The following SGCD variants were observed in gnomAD, a reference collection of about 807,000 sequenced individuals.
SGCD encodes the protein delta-sarcoglycan.
SGCD carries 18 observed loss-of-function variants against 36.6 expected under a neutral mutation model. That is an observed-to-expected ratio of 0.49 (90% CI 0.34 to 0.73). The LOEUF (loss-of-function observed/expected upper bound fraction) is 0.73. Among genes scored for constraint, SGCD ranks in the 30% least tolerant of loss-of-function variants. The pLI is 0.01. For synonymous variants in SGCD, 133 were observed against 130.6 expected, an observed-to-expected ratio of 1.02 and a Z score of -0.12; for missense variants, 387 against 346.7, an observed-to-expected ratio of 1.12 and a Z score of -0.92.
intron 4 of SGCD, among the ~76,000 whole-genome samples, chr5:156,516,709 A>G (rs1334411759): frequency 6.6e-6 from 1 of 152,196 alleles, no homozygotes; most frequent in East Asian, 1.9e-4. Flanking sequence ...AAGGTGGGTA[A>G]TAATGGGCTG....
intron 1 of SGCD, among the ~76,000 whole-genome samples, chr5:156,035,617 A>C (rs1472729841): frequency 6.6e-6 from 1 of 152,134 alleles, no homozygotes; most frequent in African/African-American, 2.4e-5. Flanking sequence ...TGTCTCAAAA[A>C]AATAAAAAAT....
intron 3 of SGCD, among the ~76,000 whole-genome samples, chr5:156,248,377 G>A (rs767623570): frequency 9.9e-5 from 15 of 152,028 alleles, no homozygotes; most frequent in African/African-American, 3.1e-4. Context: ...AAAATTACCC[G>A]GGCGTGGTAG....
the SGCD span, among the ~76,000 whole-genome samples, chr5:155,847,924 C>T: frequency 6.6e-6 from 1 of 152,176 alleles, no homozygotes; most frequent in Non-Finnish European, 1.5e-5. Flanking sequence ...TTTTTAGTTG[C>T]TTGTTACTGA....
At position 155,956,804 on chromosome 5, in the gene SGCD, C is replaced by G. The variant is rs1039077520; in HGVS notation, c.-282+86380C>G. 1.9e-4 allele frequency among the ~76,000 whole-genome samples: 28 copies of G among 150,704 alleles called. 1 individual carries two copies. The highest frequency in any genetic ancestry group is 2.5e-4 in the Non-Finnish European group (17 of 67,660). On this transcript the variant is annotated intron_variant, in intron 1 of 9. Coordinates refer to the SGCD transcript ENST00000517913. ...CTTTTTGTTGGACTCAGGGCCCCCC[C>G]CCCCGGTTAATCCAGGATGATCTAA...
chr5:156,278,185 T>C (rs1197006402), intron 3 of SGCD, among the ~76,000 whole-genome samples: 2 of 152,104 alleles, frequency 1.3e-5, no homozygotes, highest in East Asian at 1.9e-4. Context: ...TCAGTGGGAC[T>C]GGTATATAGT....
At chr5:156,091,169 G>T (rs1301064598) in intron 1 of SGCD, among the ~76,000 whole-genome samples, 1 of 152,190 alleles carries the variant, frequency 6.6e-6, no homozygotes, top group Admixed American at 6.5e-5. Flanking sequence ...AGTGATAAAT[G>T]TCCATGAAAT....
chr5:156,449,291 T>C (rs573523064), intron 3 of SGCD, among the ~76,000 whole-genome samples: 1 of 152,116 alleles, frequency 6.6e-6, no homozygotes, highest in East Asian at 1.9e-4. Flanking sequence ...AAAATTTATC[T>C]TTATTTGTCA....
At chr5:156,231,735 T>G (rs146516899) in intron 3 of SGCD, among the ~76,000 whole-genome samples, 3 of 152,228 alleles carry the variant, frequency 2.0e-5, no homozygotes, top group Admixed American at 2.0e-4. Context: ...GTAGGGATAT[T>G]GGTACCGTGG....
rs1022175472 is a variant in SGCD at position 156,766,199 on chromosome 5, T to C, written c.*6809T>C. ...CCTTCAAAAGACAAATATCTTACTTTTGATCTTTGACACTATTTGGTCAGT... is the reference window on the plus strand; with the variant it reads ...CCTTCAAAAGACAAATATCTTACTTCTGATCTTTGACACTATTTGGTCAGT... On this transcript the variant is annotated 3_prime_UTR_variant, in exon 9 of 9. Transcript: ENST00000337851. The C allele has an allele frequency of 2.6e-5, 4 of 152,194 alleles. No individual in the cohort carries two copies. Among genetic ancestry groups the C allele is most frequent in the African/African-American group, 9.7e-5 (4 of 41,446 alleles). 9.4% of individuals were successfully genotyped at this position (152,194 alleles called of 1,614,324 possible).
chr5:156,299,349 A>G (rs1766989349), intron 3 of SGCD, among the ~76,000 whole-genome samples: 1 of 152,118 alleles, frequency 6.6e-6, no homozygotes, highest in Non-Finnish European at 1.5e-5. Context: ...ATAGCTCTGT[A>G]GTATAATTTG....
chr5:156,184,086 T>C (rs1352973529), intron 3 of SGCD, among the ~76,000 whole-genome samples: 1 of 152,222 alleles, frequency 6.6e-6, no homozygotes, highest in Admixed American at 6.5e-5. Context: ...CTTACAGTAG[T>C]CTACAGATGG....
rs536553857 is a variant in SGCD at position 156,338,674 on chromosome 5, G to T, written c.4-5815G>T. On this transcript the variant is annotated intron_variant, in intron 2 of 8. Transcript: ENST00000337851. ...CCAGGTATCATGTAGGTTGGGCCTGGTTCAAAGATCTCGGTGACAACTTCA... is the reference window on the plus strand; with the variant it reads ...CCAGGTATCATGTAGGTTGGGCCTGTTTCAAAGATCTCGGTGACAACTTCA... Among the ~76,000 whole-genome samples the T allele has an allele frequency of 1.3e-3, 197 of 152,258 alleles. 2 individuals carry two copies. In the Middle Eastern group the frequency reaches 0.041, roughly 32 times the overall value.
intron 3 of SGCD, among the ~76,000 whole-genome samples, chr5:156,381,024 T>C (rs1770947119): frequency 6.6e-6 from 1 of 152,208 alleles, no homozygotes; most frequent in South Asian, 2.1e-4. Context: ...GAAGTCTCTC[T>C]CATTCCTCTC....
At chr5:155,987,462 C>T (rs184218239) in intron 1 of SGCD, among the ~76,000 whole-genome samples, 15 of 152,338 alleles carry the variant, frequency 9.8e-5, no homozygotes, top group African/African-American at 2.9e-4. Flanking sequence ...TTGTTACTCA[C>T]AGTTTCTACG....
intron 4 of SGCD, among the ~76,000 whole-genome samples, chr5:156,542,589 A>G (rs1291244423): frequency 6.6e-6 from 1 of 152,222 alleles, no homozygotes; most frequent in Non-Finnish European, 1.5e-5. Context: ...TAATGCTCCT[A>G]GTAACTCAGT....
At chr5:155,993,354 T>C (rs1488898450) in intron 1 of SGCD, among the ~76,000 whole-genome samples, 1 of 149,992 alleles carries the variant, frequency 6.7e-6, no homozygotes, top group Non-Finnish European at 1.5e-5. Flanking sequence ...TTTTTTTTTT[T>C]TTTTGAGACA....
At position 156,525,484 on chromosome 5, in the gene SGCD, A is replaced by G. The variant is rs1031014135; in HGVS notation, c.294+16782A>G. Among the ~76,000 whole-genome samples, 4 of 151,844 alleles carry G rather than the reference A, an allele frequency of 2.6e-5. No individual in the cohort carries two copies. The South Asian group carries it at 8.3e-4, about 31-fold the overall frequency. ...ATAGTTTTATTATTAATCCATTATC[A>G]GGAAGGTAGTTTTCAAATATGTTCT... On this transcript the variant is annotated intron_variant, in intron 4 of 8. Coordinates refer to ENST00000337851, the MANE Select transcript of SGCD (RefSeq NM_000337.6).
chr5:155,897,221 G>C (rs1027434110), intron 1 of SGCD, among the ~76,000 whole-genome samples: 1 of 152,118 alleles, frequency 6.6e-6, no homozygotes, highest in Non-Finnish European at 1.5e-5. Context: ...TTACTGTACT[G>C]AATACTATAA....
chr5:156,501,249 C>T (rs1238898049), intron 3 of SGCD, among the ~76,000 whole-genome samples: 1 of 152,154 alleles, frequency 6.6e-6, no homozygotes, highest in Non-Finnish European at 1.5e-5. Context: ...TAGCACAGTT[C>T]ATTCAATGAG....
Sources: gnomAD v4.1 joint callset for allele counts (sites outside exome capture counted in the v4.1 genomes callset) on GRCh38, gnomAD v4.1.1 for gene constraint, MANE v1.5 for transcripts, NCBI Gene and HGNC (gene_info 2026-07-23, HGNC 2026-07-21) for gene names.